Variants in XPO5 observed in about 807,000 individuals in gnomAD.
XPO5 encodes the protein exportin 5, also known as exportin-5.
A neutral mutation model predicts 160.6 loss-of-function variants in XPO5; 46 were observed. The observed-to-expected ratio is 0.29, with a 90% CI of 0.23 to 0.37. The LOEUF is 0.37. XPO5 is among the 10% of genes least tolerant of loss of function. The pLI, the probability that XPO5 is intolerant of heterozygous loss-of-function variation, is 1.00. For synonymous variants in XPO5, 537 were observed against 519.3 expected (o/e 1.03, Z -0.46); for missense variants, 1,090 against 1,463.9 (o/e 0.74, Z 4.17).
chr6:43,572,708 CTG>C (rs1398163258), intron 2 of XPO5, 130 bp from the exon 3 acceptor site: 23 of 1,030,428 alleles, frequency 2.2e-5, no homozygotes, highest in Non-Finnish European at 2.8e-5. Flanking sequence ...GATTTTGTAC[CTG>C]TCAATGAATG....
chr6:43,526,680 C>T lies in XPO5; in HGVS notation c.2983+5G>A. Reference sequence around the variant, plus strand: ...AGAACTCCAAGGTCTCACAGGCTCACTTACCGTCTCCATCTGCTGGGGGAG... The same window carrying T: ...AGAACTCCAAGGTCTCACAGGCTCATTTACCGTCTCCATCTGCTGGGGGAG... On this transcript the variant is annotated splice_donor_5th_base_variant and intron_variant, in intron 27 of 31. Transcript: ENST00000265351. The T allele has an allele frequency of 6.2e-7, 1 of 1,613,910 alleles. No homozygotes were observed. The highest frequency in any genetic ancestry group is 8.5e-7 in the Non-Finnish European group (1 of 1,179,856).
At position 43,524,514 on chromosome 6, in the gene XPO5, C is replaced by T. The variant is rs1793422370; in HGVS notation, c.3434G>A (p.Arg1145His). The T allele has an allele frequency of 8.7e-6, 14 of 1,613,900 alleles. No individual in the cohort carries two copies. The highest frequency in any genetic ancestry group is 1.2e-5 in the Non-Finnish European group (14 of 1,179,886). Residue 1145 changes from arginine to histidine, a missense_variant, in exon 31 of 32, where the codon CGC (arginine) becomes CAC (histidine). By Grantham distance (29) the Arg-to-His change is conservative. Around this residue, in one of 3 missense-constraint regions of XPO5, gnomAD observed 810 missense variants for 1,139.0 expected, o/e 0.71. Coordinates refer to ENST00000265351, the MANE Select transcript of XPO5 (RefSeq NM_020750.3). ...GAGGCGTTTGAATTGGTCCTTTCGG[C>T]GCTTGTCAGCCACTTTCTGCAGGGA... is the stretch of plus-strand genomic sequence containing the variant. Reference protein sequence around the residue: ...NPSLQKVADKRRKDQFKRLIA... With the variant: ...NPSLQKVADKHRKDQFKRLIA...
chr6:43,530,706 G>A lies in XPO5; in HGVS notation c.2659C>T (p.Arg887Ter), dbSNP rs201384892. The change falls in exon 23 of 32, where the codon CGA becomes TGA. Residue 887 changes from arginine to a stop codon, truncating the protein, a stop_gained. Coordinates refer to ENST00000265351, the MANE Select transcript of XPO5 (RefSeq NM_020750.3). LOFTEE classifies it high-confidence loss of function. ...AGGATATGAAGCATGGGTCTGAGTC[G>A]GTAGTCAGGAATATTGTTCAAGTTG... ...FVNLNNIPDYRLRPMLRVFVK... is the reference protein window; with the variant it reads ...FVNLNNIPDY 2.5e-6 allele frequency: 4 copies of A among 1,613,904 alleles called. No individual in the cohort carries two copies. Among genetic ancestry groups the A allele is most frequent in the African/African-American group, 1.3e-5 (1 of 75,010 alleles).
intron 12 of XPO5, among the ~76,000 whole-genome samples, chr6:43,557,598 A>T (rs1045135837): frequency 6.6e-6 from 1 of 152,050 alleles, no homozygotes; most frequent in Non-Finnish European, 1.5e-5. Context: ...TAGGACTGGG[A>T]GAGATGAGGG....
At chr6:43,537,328 G>A (rs1203114371) in intron 20 of XPO5, among the ~76,000 whole-genome samples, 1 of 152,016 alleles carries the variant, frequency 6.6e-6, no homozygotes, top group East Asian at 1.9e-4. Context: ...ACATACCTGG[G>A]AGTCTTTTAA....
intron 14 of XPO5, among the ~76,000 whole-genome samples, chr6:43,552,828 G>A (rs764048535): frequency 2.0e-5 from 3 of 152,130 alleles, no homozygotes; most frequent in Non-Finnish European, 4.4e-5. Context: ...TATACTGGTG[G>A]CGTACAGTAT....
intron 14 of XPO5, among the ~76,000 whole-genome samples, chr6:43,551,718 T>C (rs537636464): frequency 1.0e-3 from 156 of 152,158 alleles, no homozygotes; most frequent in African/African-American, 3.2e-3. Flanking sequence ...AGAGATGTTG[T>C]AGAAGTGTTG....
rs557081210 is a variant in XPO5 at position 43,556,386 on chromosome 6, G to A, written c.1313-422C>T. 3.3e-5 allele frequency among the ~76,000 whole-genome samples: 5 copies of A among 152,148 alleles called. No individual in the cohort carries two copies. In the South Asian group the frequency reaches 6.2e-4, roughly 19 times the overall value. On this transcript the variant is annotated intron_variant, in intron 12 of 31. Coordinates refer to ENST00000265351, the MANE Select transcript of XPO5 (RefSeq NM_020750.3). ...CAAAAAATACAAAAAGTAGCCAGGTGTGGTGGCATGCTCCTATAGTCCCAG... is the reference window on the plus strand; with the variant it reads ...CAAAAAATACAAAAAGTAGCCAGGTATGGTGGCATGCTCCTATAGTCCCAG...
rs755031702 is a variant in XPO5 at position 43,555,823 on chromosome 6, G to GA, written c.1441+12dup. 3.1e-6 allele frequency: 5 copies of GA among 1,613,438 alleles called. No homozygotes were observed. The highest frequency in any genetic ancestry group is 1.7e-5 in the Admixed American group (1 of 59,962). The stretch of plus-strand genomic sequence containing the variant: ...TAACATTTCACTAACATTCAGTAAT[G>GA]AAAAAAACTTACAATTCACAGAACC... On this transcript the variant is annotated intron_variant, in intron 13 of 31. Transcript: ENST00000265351.
At position 43,524,512 on chromosome 6, in the gene XPO5, G is replaced by A. The variant is rs1793422141; in HGVS notation, c.3436C>T (p.Arg1146Ter). ...PSLQKVADKR[R>*]KDQFKRLIAG... ...ATGAGGCGTTTGAATTGGTCCTTTC[G>A]GCGCTTGTCAGCCACTTTCTGCAGG... The change falls in exon 31 of 32, where the codon CGA (arginine) becomes TGA (stop). Residue 1146 changes from arginine (R) to a stop codon, truncating the protein, a stop_gained. Transcript: ENST00000265351. LOFTEE classifies it high-confidence loss of function. The A allele has an allele frequency of 1.2e-6, 2 of 1,613,824 alleles. No individual in the cohort carries two copies. Among genetic ancestry groups the A allele is most frequent in the Non-Finnish European group, 1.7e-6 (2 of 1,179,882 alleles).
At chr6:43,555,283 T>C (rs1582231329) in intron 13 of XPO5, 1 of 152,678 alleles carries the variant, frequency 6.5e-6, no homozygotes, top group South Asian at 2.1e-4. Context: ...TAGCATGCAT[T>C]AAGATGAGAG....
In XPO5 at chr6:43,553,522, CACAT is replaced by C. The variant is rs759094901; in HGVS notation, c.1442-23_1442-20del. The C allele has an allele frequency of 1.1e-5, 17 of 1,541,174 alleles. No homozygotes were observed. In the South Asian group the frequency reaches 1.2e-4, roughly 11 times the overall value. ...GAACAAGCTTTAAAACACACACACA[CACAT>C]ACACACACACACACACACACACAAT... On this transcript the variant is annotated intron_variant, in intron 13 of 31. Coordinates refer to ENST00000265351, the MANE Select transcript of XPO5 (RefSeq NM_020750.3).
rs370367568 is a variant in XPO5, at chr6:43,526,797, A to T, written c.2921-50T>A. On this transcript the variant is annotated intron_variant, in intron 26 of 31. Coordinates refer to ENST00000265351, the MANE Select transcript of XPO5 (RefSeq NM_020750.3). ...AGGTGAAGGGTGGGTATATACTACC[A>T]CAACAGCCACCTCAGGCCCACTGAT... 34 of 1,582,616 alleles carry T rather than the reference A, an allele frequency of 2.1e-5. No homozygotes were observed. In the African/African-American group the frequency reaches 4.3e-4, roughly 20 times the overall value.
chr6:43,533,763 A>G (rs1486589460), intron 21 of XPO5, 144 bp downstream of exon 21: 2 of 466,652 alleles, frequency 4.3e-6, no homozygotes, highest in Admixed American at 7.1e-5. Flanking sequence ...TGAGTCCAAG[A>G]GTTTGAGCCT....
intron 20 of XPO5, among the ~76,000 whole-genome samples, chr6:43,543,685 T>C (rs1417758703): frequency 6.6e-6 from 1 of 151,584 alleles, no homozygotes; most frequent in Non-Finnish European, 1.5e-5. Context: ...TTTTTTTTTC[T>C]TTTTTGAGAC....
chr6:43,550,161 A>G (rs1795159769), intron 15 of XPO5, among the ~76,000 whole-genome samples: 1 of 152,214 alleles, frequency 6.6e-6, no homozygotes, highest in Non-Finnish European at 1.5e-5. Context: ...ACATTTTACA[A>G]TAGGATCCCA....
At chr6:43,553,570 G>A (rs979263441) in intron 13 of XPO5, 67 bp from the exon 14 acceptor site, 18 of 1,506,592 alleles carry the variant, frequency 1.2e-5, no homozygotes, top group Non-Finnish European at 1.6e-5. Context: ...TTGAAAGATC[G>A]CAGAAGACAC....
At chr6:43,526,660 T>TC (rs763774549) in intron 27 of XPO5, 25 bp downstream of exon 27, 23 of 1,613,378 alleles carry the variant, frequency 1.4e-5, no homozygotes, top group Non-Finnish European at 1.9e-5. Flanking sequence ...AGAGCAGAAC[T>TC]CCAAGGTCTC....
chr6:43,539,681 A>AC, intron 20 of XPO5: 1 of 893,274 alleles, frequency 1.1e-6, no homozygotes, highest in Non-Finnish European at 1.7e-6. Flanking sequence ...AGGCCCCCCC[A>AC]CTGCACCGGC....
Sources: allele counts gnomAD v4.1 joint callset (sites outside exome capture counted in the v4.1 genomes callset), GRCh38; gene constraint gnomAD v4.1.1; regional missense constraint gnomAD v4.1.1; transcripts MANE v1.5; gene names NCBI Gene and HGNC (gene_info 2026-07-23, HGNC 2026-07-21).